The following TRIM35 variants were observed in gnomAD, a reference collection of about 807,000 sequenced individuals.
TRIM35 encodes the protein E3 ubiquitin-protein ligase TRIM35.
Under a neutral mutation model 49.1 loss-of-function variants are expected in TRIM35, and 37 were observed. The ratio of observed to expected loss-of-function variants is 0.75; its 90% CI spans 0.58 to 0.99. The LOEUF (loss-of-function observed/expected upper bound fraction) is 0.99. Among genes scored for constraint, TRIM35 ranks in the 50% least tolerant of loss-of-function variants. The pLI is 0.00. For missense variants in TRIM35, 648 were observed against 702.7 expected (o/e 0.92, Z 0.88); for synonymous variants, 302 against 289.3 (o/e 1.04, Z -0.45).
intron 4 of TRIM35, among the ~76,000 whole-genome samples, chr8:27,289,580 C>T (rs1802410636): frequency 6.6e-6 from 1 of 152,210 alleles, no homozygotes; most frequent in African/African-American, 2.4e-5. Flanking sequence ...ACTTACACAT[C>T]CGGCTCATGG....
chr8:27,307,575 T>C (rs909740814), intron 1 of TRIM35, among the ~76,000 whole-genome samples: 3 of 152,232 alleles, frequency 2.0e-5, no homozygotes, highest in Non-Finnish European at 4.4e-5. Flanking sequence ...GGTCCTGTCC[T>C]GGACACAGTA....
At chr8:27,297,094 C>A (rs574066914) in intron 2 of TRIM35, among the ~76,000 whole-genome samples, 1 of 152,292 alleles carries the variant, frequency 6.6e-6, no homozygotes, top group South Asian at 2.1e-4. Flanking sequence ...ACTGCCCTGG[C>A]ACCCAGTGTG....
At position 27,294,060 on chromosome 8, in the gene TRIM35, C is replaced by T; in HGVS notation, c.762+20G>A. The T allele has an allele frequency of 6.2e-7, 1 of 1,610,400 alleles. No homozygotes were observed. Among genetic ancestry groups the T allele is most frequent in the Admixed American group, 1.7e-5 (1 of 59,808 alleles). On this transcript the variant is annotated intron_variant, in intron 3 of 5. Coordinates refer to ENST00000305364, the MANE Select transcript of TRIM35 (RefSeq NM_171982.5). ...GGAACATGTGGCCCTGTCACTGAATCCAGACGCTGAGCTCCTTACCATGAG... is the reference window on the plus strand; with the variant it reads ...GGAACATGTGGCCCTGTCACTGAATTCAGACGCTGAGCTCCTTACCATGAG...
intron 3 of TRIM35, among the ~76,000 whole-genome samples, chr8:27,291,501 C>A (rs1265198993): frequency 6.6e-6 from 1 of 152,138 alleles, no homozygotes; most frequent in East Asian, 1.9e-4. Flanking sequence ...GCAGTTCTTC[C>A]AATAGTTAAA....
intron 1 of TRIM35, among the ~76,000 whole-genome samples, chr8:27,303,152 TATCAA>T (rs1208781851): frequency 2.6e-5 from 4 of 152,230 alleles, no homozygotes; most frequent in African/African-American, 9.6e-5. Context: ...TGGTAAATTT[TATCAA>T]ATGTTTTCTC....
Position 27,298,552 on chromosome 8 carries a change from C to T in TRIM35, c.443G>A (p.Cys148Tyr), listed in dbSNP as rs565181133. Residue 148 changes from cysteine (C) to tyrosine (Y), a missense_variant, in exon 2 of 6, where the codon TGC (cysteine) becomes TAC (tyrosine). Cys to Tyr is a radical substitution (Grantham distance 194). Coordinates refer to ENST00000305364, the MANE Select transcript of TRIM35 (RefSeq NM_171982.5). ...KDTAHDFRAK[C>Y]RNMEHALREK... ...CCGCAGTGCATGCTCCATGTTCCTG[C>T]ACTTGGCCTGACATGGGAATGAGAG... 1.2e-6 allele frequency: 2 copies of T among 1,614,130 alleles called. No homozygotes were observed. The highest frequency in any genetic ancestry group is 1.1e-5 in the South Asian group (1 of 91,070).
At chr8:27,310,742 C>G in intron 1 of TRIM35, 59 bp downstream of exon 1, 1 of 1,515,758 alleles carries the variant, frequency 6.6e-7, no homozygotes, top group East Asian at 2.3e-5. Context: ...AGCCGCAGAG[C>G]CAAGGGATTC....
intron 1 of TRIM35, among the ~76,000 whole-genome samples, chr8:27,301,122 A>G (rs562084849): frequency 1.3e-4 from 20 of 152,342 alleles, no homozygotes; most frequent in Middle Eastern, 3.4e-3. Context: ...AGCTGATGAG[A>G]CTAACCAACA....
chr8:27,294,822 GT>G (rs59648007), intron 2 of TRIM35, among the ~76,000 whole-genome samples: 79,049 of 149,360 alleles, frequency 0.53, 21,281 homozygotes, highest in African/African-American at 0.65. Flanking sequence ...CAAAAAGTTT[GT>G]TTTTTTTTTT....
At chr8:27,296,709 A>G (rs1802575341) in intron 2 of TRIM35, among the ~76,000 whole-genome samples, 1 of 152,246 alleles carries the variant, frequency 6.6e-6, no homozygotes, top group African/African-American at 2.4e-5. Context: ...TAAGAGAACA[A>G]TGATAAAGCT....
At chr8:27,304,937 T>C (rs773012499) in intron 1 of TRIM35, 8 of 387,320 alleles carry the variant, frequency 2.1e-5, no homozygotes, top group Non-Finnish European at 3.5e-5. Flanking sequence ...TTCAGGCAGA[T>C]TGATGTAGCA....
intron 1 of TRIM35, among the ~76,000 whole-genome samples, chr8:27,306,829 AATCAGAAG>A (rs1270627760): frequency 2.0e-5 from 3 of 152,208 alleles, no homozygotes; most frequent in African/African-American, 7.2e-5. Flanking sequence ...GTAATGGGAG[AATCAGAAG>A]TATCTTGGCC....
Position 27,294,043 on chromosome 8 carries a change from TG to T in TRIM35, c.762+36del, listed in dbSNP as rs749496435. 4 of 1,598,508 alleles carry T rather than the reference TG, an allele frequency of 2.5e-6. No homozygotes were observed. In the Admixed American group the frequency reaches 6.8e-5, roughly 27 times the overall value. The stretch of plus-strand genomic sequence containing the variant: ...GGCTCCCAGCTGGTCCTGGAACATG[TG>T]GCCCTGTCACTGAATCCAGACGCTG... On this transcript the variant is annotated intron_variant, in intron 3 of 5. Coordinates refer to ENST00000305364, the MANE Select transcript of TRIM35 (RefSeq NM_171982.5).
chr8:27,287,364 G>A lies in TRIM35; in HGVS notation c.*186C>T. ...TGCCACCCGAATAGCTCCTGACCAT[G>A]GGCACAGAAGGGACCAAACATGGAG... On this transcript the variant is annotated 3_prime_UTR_variant, in exon 6 of 6. Transcript: ENST00000305364. This position sits in a 1 kb window ranked among gnomAD's most constrained non-coding sequence, Gnocchi z 6.0. 1 of 641,284 alleles carries A rather than the reference G, an allele frequency of 1.6e-6. No homozygotes were observed. The highest frequency in any genetic ancestry group is 2.3e-5 in the South Asian group (1 of 43,472). The allele number at this position is 641,284 out of a possible 1,614,324, so 39.7% of individuals were successfully genotyped here.
Position 27,287,535 on chromosome 8 carries a change from C to T in TRIM35, c.*15G>A. ...ACAGTGCTGTGGCACAAGACCGGGG[C>T]AGCCCCGGGCCAGCTCAGCCATCCA... is the stretch of plus-strand genomic sequence containing the variant. On this transcript the variant is annotated 3_prime_UTR_variant, in exon 6 of 6. Transcript: ENST00000305364. This position sits in a 1 kb window ranked among gnomAD's most constrained non-coding sequence, Gnocchi z 6.0. The T allele has an allele frequency of 6.5e-7, 1 of 1,542,036 alleles. No homozygotes were observed. Among genetic ancestry groups the T allele is most frequent in the Non-Finnish European group, 8.8e-7 (1 of 1,142,456 alleles).
chr8:27,298,353 C>A (rs1802612130), intron 2 of TRIM35, 111 bp downstream of exon 2: 2 of 990,012 alleles, frequency 2.0e-6, no homozygotes, highest in East Asian at 2.4e-5. Context: ...AGGCAGCCGA[C>A]CTCTACCCAG....
At chr8:27,288,265 T>A in intron 5 of TRIM35, 138 bp from the exon 6 acceptor site, 1 of 831,638 alleles carries the variant, frequency 1.2e-6, no homozygotes, top group Non-Finnish European at 1.8e-6. Flanking sequence ...AGGGCTGGAG[T>A]GGTGGCAGGG....
At chr8:27,291,573 A>T (rs1802455153) in intron 3 of TRIM35, among the ~76,000 whole-genome samples, 1 of 152,236 alleles carries the variant, frequency 6.6e-6, no homozygotes. Flanking sequence ...AAAAATGAAA[A>T]CATGTCCACA....
chr8:27,286,375 T>G lies in TRIM35; in HGVS notation c.*1175A>C, dbSNP rs1460060776. 2.9e-6 allele frequency: 1 copy of G among 343,750 alleles called. No homozygotes were observed. The highest frequency in any genetic ancestry group is 5.7e-6 in the Non-Finnish European group (1 of 174,350). 21.3% of individuals were successfully genotyped at this position (343,750 alleles called of 1,614,324 possible). On this transcript the variant is annotated 3_prime_UTR_variant, in exon 6 of 6. Coordinates refer to ENST00000305364, the MANE Select transcript of TRIM35 (RefSeq NM_171982.5). ...CTCCTCTTCCCTCTCCCACAGCGTT[T>G]AGGGCCACGTCCATGGCGCCACCCC...
Sources: gnomAD v4.1 joint callset for allele counts (sites outside exome capture counted in the v4.1 genomes callset) on GRCh38, gnomAD v4.1.1 for gene constraint, Gnocchi (gnomAD v3.1) non-coding constraint, MANE v1.5 for transcripts, NCBI Gene and HGNC (gene_info 2026-07-23, HGNC 2026-07-21) for gene names.